Variants in TIAM2 observed in about 807,000 individuals in gnomAD.
The protein encoded by TIAM2 is rho guanine nucleotide exchange factor TIAM2.
In TIAM2, 80 loss-of-function variants were observed where a neutral mutation model predicts 152.9. The observed-to-expected ratio is 0.52, with a 90% CI of 0.44 to 0.63. The LOEUF (loss-of-function observed/expected upper bound fraction) is 0.63, where lower values mean the gene tolerates loss of function less well. TIAM2 is among the 30% of genes least tolerant of loss of function. The pLI is 0.00. For missense variants in TIAM2, 1,965 were observed against 2,120.1 expected (o/e 0.93, Z 1.44); for synonymous variants, 804 against 838.0 (o/e 0.96, Z 0.70).
intron 15 of TIAM2, among the ~76,000 whole-genome samples, chr6:155,234,831 G>GC (rs1782663250): frequency 6.6e-6 from 1 of 152,270 alleles, no homozygotes; most frequent in East Asian, 1.9e-4. Context: ...GCAGGTGGCT[G>GC]CATCCCTAGA....
intron 15 of TIAM2, among the ~76,000 whole-genome samples, chr6:155,235,777 C>G (rs1782721865): frequency 6.6e-6 from 1 of 152,170 alleles, no homozygotes; most frequent in South Asian, 2.1e-4. Context: ...CTAACATTCA[C>G]TTTTTGGGAG....
chr6:155,083,584 A>G (rs903454404), intron 1 of TIAM2, among the ~76,000 whole-genome samples: 2 of 152,166 alleles, frequency 1.3e-5, no homozygotes, highest in Non-Finnish European at 2.9e-5. Context: ...CTCCCCAGAT[A>G]CTAAATATGT....
At chr6:155,075,125 C>T (rs990241896) in intron 1 of TIAM2, among the ~76,000 whole-genome samples, 2 of 151,790 alleles carry the variant, frequency 1.3e-5, no homozygotes, top group Non-Finnish European at 2.9e-5. Flanking sequence ...TCTCTCACAG[C>T]GGGAAGGGAC....
intron 10 of TIAM2, 83 bp downstream of exon 10, chr6:155,177,060 A>G: frequency 3.6e-6 from 5 of 1,403,032 alleles, no homozygotes; most frequent in Non-Finnish European, 4.8e-6. Flanking sequence ...AATTCATGTG[A>G]TATTCAAGGG....
rs1269112121 is a variant in TIAM2, at chr6:155,029,423, A to AG, written c.-209+33931_-209+33932insG. Among the ~76,000 whole-genome samples the AG allele has an allele frequency of 2.0e-4, 16 of 80,056 alleles. 1 individual carries two copies. The highest frequency in any genetic ancestry group is 7.3e-4 in the African/African-American group (15 of 20,642). The allele number at this position is 80,056 out of a possible 152,430, so 52.5% of individuals were successfully genotyped here. A position where few individuals can be genotyped will look rare whatever the true frequency, so the allele number is the denominator to read the frequency against. Reference sequence around the variant, plus strand: ...ATAGTATATATAATATATACTATATATACTATAGTATATATTATACTATAG... The same window carrying AG: ...ATAGTATATATAATATATACTATATAGTACTATAGTATATATTATACTATAG... On this transcript the variant is annotated intron_variant, in intron 1 of 26. Coordinates refer to ENST00000682666, the MANE Select transcript of TIAM2 (RefSeq NM_012454.4).
intron 2 of TIAM2, among the ~76,000 whole-genome samples, chr6:155,099,605 C>T (rs1475468042): frequency 6.6e-6 from 1 of 152,098 alleles, no homozygotes; most frequent in African/African-American, 2.4e-5. Flanking sequence ...AACTTTGAGG[C>T]CCAGTAACAT....
At position 155,256,308 on chromosome 6, in the gene TIAM2, A is replaced by G. The variant is rs1352332954; in HGVS notation, c.4469-176A>G. The G allele has an allele frequency of 1.5e-5, 14 of 930,796 alleles. No individual in the cohort carries two copies. In the East Asian group the frequency reaches 2.9e-4, roughly 19 times the overall value. 57.7% of individuals were successfully genotyped at this position (930,796 alleles called of 1,614,324 possible). On this transcript the variant is annotated intron_variant, in intron 26 of 26. Coordinates refer to ENST00000682666, the MANE Select transcript of TIAM2 (RefSeq NM_012454.4). Reference sequence around the variant, plus strand: ...AACTTACAACTGTAAACCTAAGTCAAAAATGTCCATGTTTTCAGTAGCTAC... The same window carrying G: ...AACTTACAACTGTAAACCTAAGTCAGAAATGTCCATGTTTTCAGTAGCTAC...
rs1562316893 is a variant in TIAM2, at chr6:155,104,040, A to ACACACCC, written c.-118+13662_-118+13663insACACCCC. On this transcript the variant is annotated intron_variant, in intron 2 of 26. Transcript: ENST00000682666. ...TTCTGTATTTACCTCACACACACACACCCCCCCCCCCACACCCCCACACAC... is the reference window on the plus strand; with the variant it reads ...TTCTGTATTTACCTCACACACACACACACACCCCCCCCCCCCCCACACCCCCACACAC... Among the ~76,000 whole-genome samples the ACACACCC allele has an allele frequency of 3.1e-4, 18 of 57,732 alleles. 1 individual carries two copies. Among genetic ancestry groups the ACACACCC allele is most frequent in the African/African-American group, 1.4e-3 (18 of 12,970 alleles). 37.9% of individuals were successfully genotyped at this position (57,732 alleles called of 152,430 possible).
intron 1 of TIAM2, among the ~76,000 whole-genome samples, chr6:155,025,821 AACACACACACACACACACACAC>A (rs58173623): frequency 0.15 from 19,732 of 131,842 alleles, 1,580 homozygotes; most frequent in East Asian, 0.31. Context: ...CTCCCCCTCA[AACACACACACACACACACACAC>A]ACACACACAC....
In TIAM2 at chr6:155,143,709, G is replaced by A. The variant is rs77666931; in HGVS notation, c.1631-897G>A. Among the ~76,000 whole-genome samples the A allele has an allele frequency of 3.2e-3, 480 of 152,308 alleles. 2 individuals are homozygous for A. Among genetic ancestry groups the A allele is most frequent in the East Asian group, 0.017 (86 of 5,184 alleles). On this transcript the variant is annotated intron_variant, in intron 5 of 26. Coordinates refer to ENST00000682666, the MANE Select transcript of TIAM2 (RefSeq NM_012454.4). ...ATTGAGATTCCCTAAATAATGTGGT[G>A]TTGTGCTTAAGGATGAGGGCTTTGG...
At chr6:155,015,969 A>AC (rs1682831763) in intron 1 of TIAM2, among the ~76,000 whole-genome samples, 1 of 151,250 alleles carries the variant, frequency 6.6e-6, no homozygotes, top group African/African-American at 2.4e-5. Context: ...AAAAAAAAAA[A>AC]AAAACTCCAA....
In TIAM2 at chr6:155,213,532, C is replaced by G. The variant is rs1266216940; in HGVS notation, c.3168+2225C>G. 6.6e-6 allele frequency among the ~76,000 whole-genome samples: 1 copy of G among 152,182 alleles called. No homozygotes were observed. Among genetic ancestry groups the G allele is most frequent in the South Asian group, 2.1e-4 (1 of 4,830 alleles). ...ATGTGCACTGATTGGTCCATAGTGG[C>G]CATGAGCAGACCCAGAAAAAGCTCC... On this transcript the variant is annotated intron_variant, in intron 15 of 26. Coordinates refer to ENST00000682666, the MANE Select transcript of TIAM2 (RefSeq NM_012454.4). The surrounding 1 kb of genome is among the most constrained non-coding windows in gnomAD (Gnocchi z 4.2).
At chr6:155,085,803 A>G (rs896632779) in intron 1 of TIAM2, among the ~76,000 whole-genome samples, 2 of 152,266 alleles carry the variant, frequency 1.3e-5, no homozygotes, top group African/African-American at 4.8e-5. Flanking sequence ...AGCATGAGCC[A>G]TCAGTCTTGA....
At chr6:155,028,122 A>G (rs1776655885) in intron 1 of TIAM2, among the ~76,000 whole-genome samples, 1 of 105,068 alleles carries the variant, frequency 9.5e-6, no homozygotes, top group South Asian at 3.1e-4. Flanking sequence ...ACTGTGTTAC[A>G]TATATACTAT....
At chr6:155,253,929 T>C in intron 24 of TIAM2, 44 bp from the exon 25 acceptor site, 1 of 1,516,586 alleles carries the variant, frequency 6.6e-7, no homozygotes, top group Non-Finnish European at 9.1e-7. Context: ...CCACAGCATT[T>C]TGGGCAAAGT....
At chr6:155,233,454 C>T (rs188235683) in intron 15 of TIAM2, among the ~76,000 whole-genome samples, 75 of 152,230 alleles carry the variant, frequency 4.9e-4, no homozygotes, top group Middle Eastern at 3.4e-3. Context: ...AGGGTCTGGG[C>T]GAGCTGCTTG....
intron 7 of TIAM2, among the ~76,000 whole-genome samples, chr6:155,152,591 G>A (rs3805833): frequency 0.51 from 77,653 of 152,030 alleles, 20,434 homozygotes; most frequent in South Asian, 0.58. Context: ...TCCAGGATCC[G>A]GCAGCCACAG....
chr6:155,214,079 C>A lies in TIAM2; in HGVS notation c.3168+2772C>A, dbSNP rs1361410199. Among the ~76,000 whole-genome samples, 1 of 152,232 alleles carries A rather than the reference C, an allele frequency of 6.6e-6. No individual in the cohort carries two copies. The highest frequency in any genetic ancestry group is 1.5e-5 in the Non-Finnish European group (1 of 68,034). On this transcript the variant is annotated intron_variant, in intron 15 of 26. Transcript: ENST00000682666. This position sits in a 1 kb window ranked among gnomAD's most constrained non-coding sequence, Gnocchi z 5.4. ...TTCCTGCTCCTGGCCCCCAAGAACA[C>A]AGGGATGTCTGGGTCAGAAGCCACG...
At chr6:155,201,777 T>G (rs1053739307) in intron 14 of TIAM2, among the ~76,000 whole-genome samples, 3 of 152,204 alleles carry the variant, frequency 2.0e-5, no homozygotes, top group Non-Finnish European at 2.9e-5. Flanking sequence ...ACAAGACAAT[T>G]GAAACAGATC....
Sources: gnomAD v4.1 joint callset for allele counts (sites outside exome capture counted in the v4.1 genomes callset) on GRCh38, gnomAD v4.1.1 for gene constraint, Gnocchi (gnomAD v3.1) non-coding constraint, MANE v1.5 for transcripts, NCBI Gene and HGNC (gene_info 2026-07-23, HGNC 2026-07-21) for gene names.